The following TRPM2 variants were observed in gnomAD, a reference collection of about 807,000 sequenced individuals.
TRPM2 encodes the protein estrogen-responsive element-associated gene 1 protein.
A neutral mutation model predicts 174.0 loss-of-function variants in TRPM2; 161 were observed. The observed-to-expected ratio is 0.93, with a 90% CI of 0.81 to 1.05. The LOEUF (loss-of-function observed/expected upper bound fraction) is 1.05. Among genes scored for constraint, TRPM2 ranks in the 50% least tolerant of loss-of-function variants. The probability of loss-of-function intolerance (pLI) is 0.00; values close to 1 mark genes in which losing one functional copy is unlikely to be tolerated. For missense variants in TRPM2, 2,057 were observed against 2,038.0 expected (o/e 1.01, Z -0.18); for synonymous variants, 954 against 861.3 (o/e 1.11, Z -1.88).
At chr21:44,423,495 G>T (rs878885205) in intron 22 of TRPM2, 150 bp from the exon 23 acceptor site, 42 of 678,396 alleles carry the variant, frequency 6.2e-5, no homozygotes, top group South Asian at 1.5e-4. Flanking sequence ...TGGGAGAAAT[G>T]CATGTTAGAA....
chr21:44,395,270 G>T, intron 11 of TRPM2, 144 bp from the exon 12 acceptor site: 4 of 1,002,448 alleles, frequency 4.0e-6, no homozygotes, highest in Non-Finnish European at 5.7e-6. Context: ...GGGTGTTGCT[G>T]AAAATGCAGG....
chr21:44,418,379 C>T, intron 21 of TRPM2, 44 bp from the exon 22 acceptor site: 3 of 1,604,834 alleles, frequency 1.9e-6, no homozygotes. Context: ...GGGCCCACCT[C>T]CTGAGGATTC....
In TRPM2 at chr21:44,369,394, G is replaced by C. The variant is rs144577487; in HGVS notation, c.771+51G>C. 9.1e-4 allele frequency: 1,411 copies of C among 1,557,780 alleles called. 12 individuals carry two copies. The African/African-American group carries it at 0.016, about 17-fold the overall frequency. On this transcript the variant is annotated intron_variant, in intron 5 of 31. Coordinates refer to ENST00000397928, the MANE Select transcript of TRPM2 (RefSeq NM_003307.4). ...AGCCTAAGACCAGGGGTGTGGGTGAGGTCTGACTGGGCGCTGTGGGGAGCA... is the reference window on the plus strand; with the variant it reads ...AGCCTAAGACCAGGGGTGTGGGTGACGTCTGACTGGGCGCTGTGGGGAGCA...
chr21:44,382,668 C>G (rs1241066702), intron 8 of TRPM2, 50 bp from the exon 9 acceptor site: 1 of 1,571,196 alleles, frequency 6.4e-7, no homozygotes, highest in Non-Finnish European at 8.7e-7. Context: ...CTGGAGGAGG[C>G]AGGGGTTCAG....
At position 44,406,042 on chromosome 21, in the gene TRPM2, G is replaced by T. The variant is rs2049860827; in HGVS notation, c.2790+5G>T. ...ATCATCATTGTGAAGCGGATGGTAAGGGGGCGGGGGCACCGGCTCCATCGC... is the reference window on the plus strand; with the variant it reads ...ATCATCATTGTGAAGCGGATGGTAATGGGGCGGGGGCACCGGCTCCATCGC... On this transcript the variant is annotated splice_donor_5th_base_variant and intron_variant, in intron 18 of 31. Coordinates refer to ENST00000397928, the MANE Select transcript of TRPM2 (RefSeq NM_003307.4). The T allele has an allele frequency of 6.2e-7, 1 of 1,604,260 alleles. No homozygotes were observed. Among genetic ancestry groups the T allele is most frequent in the Admixed American group, 1.7e-5 (1 of 59,930 alleles).
intron 20 of TRPM2, 56 bp downstream of exon 20, chr21:44,414,130 C>T: frequency 1.3e-6 from 2 of 1,575,266 alleles, no homozygotes; most frequent in Non-Finnish European, 1.7e-6. Flanking sequence ...CGTTCCTGGG[C>T]CGCAGTGGCC....
intron 22 of TRPM2, chr21:44,422,198 C>T (rs542591324): frequency 3.3e-5 from 49 of 1,488,914 alleles, no homozygotes; most frequent in South Asian, 1.4e-4. Context: ...ACCTGGGAGG[C>T]GCATGAGTGT....
Position 44,400,328 on chromosome 21 carries a change from A to C in TRPM2, c.2278A>C (p.Met760Leu), listed in dbSNP as rs765487455. 2.2e-5 allele frequency: 36 copies of C among 1,612,598 alleles called. No homozygotes were observed. The highest frequency in any genetic ancestry group is 3.0e-5 in the Non-Finnish European group (35 of 1,179,884). ...DNGLWRVTLC[M>L]LAFPLLLTGL... is the part of the protein sequence containing the mutation. ...TGGGCTGTGGCGTGTGACCCTGTGCATGCTGGCCTTCCCGCTGCTCCTCAC... is the reference window on the plus strand; with the variant it reads ...TGGGCTGTGGCGTGTGACCCTGTGCCTGCTGGCCTTCCCGCTGCTCCTCAC... Residue 760 changes from methionine to leucine, a missense_variant, in exon 15 of 32, where the codon ATG becomes CTG. Transcript: ENST00000397928.
rs775675901 is a variant in TRPM2 at position 44,417,918 on chromosome 21, C to T, written c.3147-9C>T. ...TGACCTCGAGGTGTTGCTTTCTCCT[C>T]CCTGACAGCTACACCTTCCAGCAGG... On this transcript the variant is annotated splice_polypyrimidine_tract_variant and intron_variant, in intron 20 of 31. Transcript: ENST00000397928. The T allele has an allele frequency of 6.2e-6, 10 of 1,607,776 alleles. No homozygotes were observed. Among genetic ancestry groups the T allele is most frequent in the Non-Finnish European group, 8.5e-6 (10 of 1,177,338 alleles).
intron 19 of TRPM2, among the ~76,000 whole-genome samples, chr21:44,409,501 G>C (rs568030311): frequency 1.3e-5 from 2 of 151,170 alleles, no homozygotes; most frequent in East Asian, 3.9e-4. Context: ...AGTTTTGACC[G>C]CACTGTCTTG....
chr21:44,378,932 C>G (rs528522452), intron 7 of TRPM2, 65 bp from the exon 8 acceptor site: 5 of 1,533,380 alleles, frequency 3.3e-6, no homozygotes, highest in African/African-American at 1.4e-5. Flanking sequence ...GAGAATTCTC[C>G]ATTTCAGAAA....
Position 44,397,605 on chromosome 21 carries a change from T to C in TRPM2, c.1933-142T>C, listed in dbSNP as rs1157495230. ...TGGGGTGGGGCTTAAGTTGTCTGTATAGATGTGGTCACACACAGTGATTGC... is the reference window on the plus strand; with the variant it reads ...TGGGGTGGGGCTTAAGTTGTCTGTACAGATGTGGTCACACACAGTGATTGC... On this transcript the variant is annotated intron_variant, in intron 12 of 31. Coordinates refer to ENST00000397928, the MANE Select transcript of TRPM2 (RefSeq NM_003307.4). The C allele has an allele frequency of 1.1e-5, 10 of 878,392 alleles. No homozygotes were observed. In the African/African-American group the frequency reaches 1.4e-4, roughly 12 times the overall value. 54.4% of individuals were successfully genotyped at this position (878,392 alleles called of 1,614,324 possible).
In TRPM2 at chr21:44,382,710, T is replaced by C; in HGVS notation, c.1216-8T>C. 6.2e-7 allele frequency: 1 copy of C among 1,613,506 alleles called. No individual in the cohort carries two copies. The highest frequency in any genetic ancestry group is 8.5e-7 in the Non-Finnish European group (1 of 1,179,752). On this transcript the variant is annotated splice_polypyrimidine_tract_variant and splice_region_variant and intron_variant, in intron 8 of 31. Transcript: ENST00000397928. ...CTGTGTGTCTCACTTAGAAAATGCT[T>C]GTTGCAGATCCAAGATATCGTCCGG...
At position 44,413,923 on chromosome 21, in the gene TRPM2, A is replaced by T. The variant is rs769457905; in HGVS notation, c.2995A>T (p.Asn999Tyr). 6.2e-6 allele frequency: 10 copies of T among 1,613,558 alleles called. No homozygotes were observed. In the South Asian group the frequency reaches 1.1e-4, roughly 18 times the overall value. ...CTTCAACCCGGAGCACTGCAGCCCCAATGGCACCGACCCCTACAAGCCTAA... is the reference window on the plus strand; with the variant it reads ...CTTCAACCCGGAGCACTGCAGCCCCTATGGCACCGACCCCTACAAGCCTAA... ...VNFNPEHCSP[N>Y]GTDPYKPKCP... The change falls in exon 20 of 32, where the codon AAT (asparagine) becomes TAT (tyrosine). Residue 999 changes from asparagine (N) to tyrosine (Y), a missense_variant. Coordinates refer to ENST00000397928, the MANE Select transcript of TRPM2 (RefSeq NM_003307.4).
intron 26 of TRPM2, 123 bp downstream of exon 26, chr21:44,426,859 G>T: frequency 7.2e-7 from 1 of 1,391,990 alleles, no homozygotes; most frequent in African/African-American, 1.4e-5. Flanking sequence ...AGGGGCCCGT[G>T]GGGGCCTGAA....
intron 2 of TRPM2, among the ~76,000 whole-genome samples, chr21:44,363,314 T>A (rs1602130583): frequency 6.6e-6 from 1 of 152,328 alleles, no homozygotes; most frequent in East Asian, 1.9e-4. Context: ...TTTGTTATAG[T>A]GCTGCAGGTC....
intron 5 of TRPM2, among the ~76,000 whole-genome samples, chr21:44,373,638 G>A (rs186861716): frequency 2.8e-5 from 4 of 142,906 alleles, no homozygotes; most frequent in East Asian, 4.1e-4. Context: ...TATGCGACCC[G>A]GATAGGCTGA....
chr21:44,353,583 G>A (rs2047966447), upstream of TRPM2: 10 of 1,282,588 alleles, frequency 7.8e-6, no homozygotes, highest in Non-Finnish European at 1.0e-5. Flanking sequence ...TCATCTTCCT[G>A]TCTCTGATCT....
rs1423184493 is a variant in TRPM2, at chr21:44,432,670, C to G, written c.3975-2461C>G. Among the ~76,000 whole-genome samples the G allele has an allele frequency of 1.3e-5, 2 of 152,184 alleles. No homozygotes were observed. Among genetic ancestry groups the G allele is most frequent in the African/African-American group, 4.8e-5 (2 of 41,436 alleles). ...TAAACAAGCCCCTGCCCGCAAGTCCCTTCCTCTTTCGAATCCACTCCACTT... is the reference window on the plus strand; with the variant it reads ...TAAACAAGCCCCTGCCCGCAAGTCCGTTCCTCTTTCGAATCCACTCCACTT... On this transcript the variant is annotated intron_variant, in intron 27 of 31. Transcript: ENST00000397928. This position sits in a 1 kb window ranked among gnomAD's most constrained non-coding sequence, Gnocchi z 4.9.
Sources: allele counts gnomAD v4.1 joint callset (sites outside exome capture counted in the v4.1 genomes callset), GRCh38; gene constraint gnomAD v4.1.1; non-coding constraint Gnocchi (gnomAD v3.1); transcripts MANE v1.5; gene names NCBI Gene and HGNC (gene_info 2026-07-23, HGNC 2026-07-21).